The following CCDC15 variants were observed in gnomAD, a reference collection of about 807,000 sequenced individuals.
The protein encoded by CCDC15 is coiled-coil domain-containing protein 15.
In CCDC15, 105 loss-of-function variants were observed where a neutral mutation model predicts 114.5. That is an observed-to-expected ratio of 0.92 (90% CI 0.78 to 1.08). CCDC15 has a LOEUF of 1.08. Ranked by LOEUF, CCDC15 falls within the 50% of genes least tolerant of loss-of-function variation. The pLI is 0.00. For synonymous variants in CCDC15, 334 were observed against 377.8 expected (o/e 0.88, Z 1.34); for missense variants, 1,105 against 1,093.6 (o/e 1.01, Z -0.15).
intron 8 of CCDC15, among the ~76,000 whole-genome samples, 175 bp from the exon 9 acceptor site, chr11:124,991,286 T>G (rs758404534): frequency 3.3e-5 from 5 of 152,240 alleles, no homozygotes; most frequent in African/African-American, 4.8e-5. Context: ...TTTCAAAGGT[T>G]GTTCTCAGCT....
chr11:124,994,089 G>A (rs1239144517), intron 11 of CCDC15, among the ~76,000 whole-genome samples: 3 of 152,162 alleles, frequency 2.0e-5, no homozygotes, highest in East Asian at 1.9e-4. Context: ...GAAGCTTACA[G>A]TATTATCACT....
At chr11:125,000,555 C>T (rs1025172842) in intron 11 of CCDC15, among the ~76,000 whole-genome samples, 3 of 152,070 alleles carry the variant, frequency 2.0e-5, no homozygotes, top group African/African-American at 4.8e-5. Context: ...TAGTGTGCTT[C>T]GTCATTAGTA....
At chr11:124,984,494 T>C (rs943038378) in intron 6 of CCDC15, among the ~76,000 whole-genome samples, 1 of 152,260 alleles carries the variant, frequency 6.6e-6, no homozygotes, top group African/African-American at 2.4e-5. Context: ...CCCCTGTGGC[T>C]AATGTCTCCT....
At chr11:124,989,920 G>A (rs1227879443) in intron 8 of CCDC15, among the ~76,000 whole-genome samples, 2 of 152,178 alleles carry the variant, frequency 1.3e-5, no homozygotes, top group African/African-American at 4.8e-5. Flanking sequence ...CAGCAATAAG[G>A]CTATTTTGCT....
chr11:125,012,423 G>C (rs1948599243), intron 13 of CCDC15, among the ~76,000 whole-genome samples: 1 of 152,148 alleles, frequency 6.6e-6, no homozygotes, highest in Non-Finnish European at 1.5e-5. Context: ...ATGATACAAA[G>C]ATAAATAAAA....
At chr11:124,972,180 A>C (rs1457610554) in intron 4 of CCDC15, among the ~76,000 whole-genome samples, 1 of 152,102 alleles carries the variant, frequency 6.6e-6, no homozygotes, top group South Asian at 2.1e-4. Context: ...ATTCATCTTC[A>C]TCAGGGAATC....
At chr11:124,999,454 T>G (rs1179458905) in intron 11 of CCDC15, among the ~76,000 whole-genome samples, 2 of 151,606 alleles carry the variant, frequency 1.3e-5, no homozygotes, top group African/African-American at 4.9e-5. Context: ...TGCTGTTCAT[T>G]TTTTTTTTCA....
intron 13 of CCDC15, among the ~76,000 whole-genome samples, chr11:125,006,851 G>A (rs1323901531): frequency 6.6e-6 from 1 of 151,774 alleles, no homozygotes; most frequent in Non-Finnish European, 1.5e-5. Flanking sequence ...TCTGTTTTTT[G>A]GACTTGGTTC....
At chr11:125,033,994 G>T (rs1388700673) in intron 13 of CCDC15, among the ~76,000 whole-genome samples, 2 of 152,164 alleles carry the variant, frequency 1.3e-5, no homozygotes, top group Admixed American at 6.5e-5. Context: ...ACTTCTAGGA[G>T]CCTGCTAGGA....
rs535176547 is a variant in CCDC15, at chr11:125,015,582, G to A, written c.2411+10370G>A. Among the ~76,000 whole-genome samples the A allele has an allele frequency of 2.0e-5, 3 of 152,216 alleles. No homozygotes were observed. In the East Asian group the frequency reaches 5.8e-4, roughly 29 times the overall value. On this transcript the variant is annotated intron_variant, in intron 13 of 15. Transcript: ENST00000344762. Reference sequence around the variant, plus strand: ...CGTATCACTGAAAGAAATAAAACCAGTTATTAAAAATCCTGAAAGAAAAAT... The same window carrying A: ...CGTATCACTGAAAGAAATAAAACCAATTATTAAAAATCCTGAAAGAAAAAT...
In CCDC15 at chr11:124,987,197, G is replaced by A. The variant is rs761616905; in HGVS notation, c.971G>A (p.Gly324Asp). 5 of 1,527,244 alleles carry A rather than the reference G, an allele frequency of 3.3e-6. No homozygotes were observed. The highest frequency in any genetic ancestry group is 4.4e-6 in the Non-Finnish European group (5 of 1,142,464). 94.6% of individuals were successfully genotyped at this position (1,527,244 alleles called of 1,614,324 possible). Residue 324 changes from glycine to aspartate, a missense_variant, in exon 8 of 16, where the codon GGC (glycine) becomes GAC (aspartate). Gly to Asp is a moderately conservative substitution (Grantham distance 94). Coordinates refer to ENST00000344762, the MANE Select transcript of CCDC15 (RefSeq NM_025004.3). ...EEEQKQLHFE[G>D]LQDILPEAQD... is the part of the protein sequence containing the mutation. ...GAACAAAAGCAGTTACATTTTGAGG[G>A]CCTTCAGGATATTCTGCCAGAAGCC...
chr11:124,954,741 AAGT>A lies in CCDC15; in HGVS notation c.11_13del (p.Ser4del), dbSNP rs779677840. 3 of 1,613,774 alleles carry A rather than the reference AAGT, an allele frequency of 1.9e-6. No homozygotes were observed. Among genetic ancestry groups the A allele is most frequent in the South Asian group, 2.2e-5 (2 of 91,078 alleles). On this transcript the variant is annotated inframe_deletion, in exon 2 of 16. Coordinates refer to ENST00000344762, the MANE Select transcript of CCDC15 (RefSeq NM_025004.3). ...CTAATCAGGAGTCACAGATGCTGGG[AAGT>A]ATGGCCCGAAAGAAACCTCGAAATA...
intron 6 of CCDC15, among the ~76,000 whole-genome samples, chr11:124,984,728 A>T (rs533428191): frequency 6.6e-6 from 1 of 152,078 alleles, no homozygotes; most frequent in Admixed American, 6.5e-5. Flanking sequence ...TGTTCAATTC[A>T]TCCCTTCCCC....
chr11:125,038,999 T>C lies in CCDC15; in HGVS notation c.2664T>C (p.Cys888=), dbSNP rs376181457. The change falls in exon 15 of 16, where the codon TGT becomes TGC. Residue 888 remains cysteine (C), a synonymous_variant. Transcript: ENST00000344762. ...YNITLPPLCC[C]GPDFWDAHPD... ...TTACTTTACCTCCACTATGCTGTTG[T>C]GGTCCTGATTTTTGGGATGCTCATC... 6.2e-7 allele frequency: 1 copy of C among 1,612,080 alleles called. No homozygotes were observed. Among genetic ancestry groups the C allele is most frequent in the African/African-American group, 1.3e-5 (1 of 74,924 alleles).
chr11:125,038,269 G>T (rs1393138824), intron 13 of CCDC15, 162 bp from the exon 14 acceptor site: 8 of 500,884 alleles, frequency 1.6e-5, no homozygotes, highest in Non-Finnish European at 1.4e-5. Flanking sequence ...TTTGGGAGGA[G>T]ATAAAGCAGC....
At chr11:124,985,295 T>C (rs988565120) in intron 6 of CCDC15, among the ~76,000 whole-genome samples, 2 of 152,246 alleles carry the variant, frequency 1.3e-5, no homozygotes, top group Non-Finnish European at 2.9e-5. Flanking sequence ...GTTTATGAAT[T>C]ATGAACGATT....
chr11:125,006,766 T>A (rs974415055), intron 13 of CCDC15, among the ~76,000 whole-genome samples: 3 of 152,200 alleles, frequency 2.0e-5, no homozygotes, highest in African/African-American at 7.2e-5. Context: ...GCACCATTTG[T>A]TGAAAAGACC....
intron 13 of CCDC15, among the ~76,000 whole-genome samples, chr11:125,014,478 A>C (rs1454541338): frequency 6.6e-6 from 1 of 152,212 alleles, no homozygotes; most frequent in Admixed American, 6.5e-5. Flanking sequence ...ACTTTAAAAT[A>C]ATTGATTAAT....
intron 13 of CCDC15, among the ~76,000 whole-genome samples, chr11:125,024,962 T>A (rs1342034146): frequency 1.4e-5 from 2 of 147,620 alleles, no homozygotes; most frequent in East Asian, 3.9e-4. Flanking sequence ...CTTGAGAATT[T>A]TTTTTATCAA....
Sources: allele counts gnomAD v4.1 joint callset (sites outside exome capture counted in the v4.1 genomes callset), GRCh38; gene constraint gnomAD v4.1.1; transcripts MANE v1.5; gene names NCBI Gene and HGNC (gene_info 2026-07-23, HGNC 2026-07-21).